DPP10: variants seen among roughly 807,000 people sequenced by gnomAD.
DPP10 encodes inactive dipeptidyl peptidase 10.
A neutral mutation model predicts 120.9 loss-of-function variants in DPP10; 33 were observed. The observed-to-expected ratio is 0.27, with a 90% confidence interval of 0.21 to 0.37. The LOEUF is 0.37. Among genes scored for constraint, DPP10 ranks in the 10% least tolerant of loss-of-function variants. The pLI, the probability that DPP10 is intolerant of heterozygous loss-of-function variation, is 1.00. For missense variants in DPP10, 816 were observed against 942.8 expected (o/e 0.87, Z 1.76); for synonymous variants, 337 against 326.1 (o/e 1.03, Z -0.36).
chr2:114,810,779 C>T (rs1444573449), intron 1 of DPP10, among the ~76,000 whole-genome samples: 1 of 152,120 alleles, frequency 6.6e-6, no homozygotes, highest in Non-Finnish European at 1.5e-5. Context: ...GAGAAGGGTC[C>T]TCACCTTGGG....
At chr2:115,380,620 G>A (rs1252525280) in intron 3 of DPP10, among the ~76,000 whole-genome samples, 7 of 151,540 alleles carry the variant, frequency 4.6e-5, no homozygotes, top group African/African-American at 1.2e-4. Flanking sequence ...TATTTTGCTC[G>A]TTAGTTGATG....
At position 114,643,455 on chromosome 2, in the gene DPP10, C is replaced by A. The variant is rs1207218877; in HGVS notation, c.60+200617C>A. 3.9e-5 allele frequency among the ~76,000 whole-genome samples: 6 copies of A among 151,986 alleles called. 1 individual carries two copies. The highest frequency in any genetic ancestry group is 1.5e-4 in the African/African-American group (6 of 41,260). On this transcript the variant is annotated intron_variant, in intron 1 of 25. Coordinates refer to ENST00000410059, the MANE Select transcript of DPP10 (RefSeq NM_020868.6). The stretch of plus-strand genomic sequence containing the variant: ...CATTCATAAGACTCTCTGGAGCATG[C>A]AGGATACTGACAAGCTTTTTATTTA...
intron 1 of DPP10, among the ~76,000 whole-genome samples, chr2:115,242,333 TCA>T (rs56728091): frequency 1 from 151,679 of 152,012 alleles, 75,677 homozygotes; most frequent in Middle Eastern, 1. Flanking sequence ...TGCCATTAAT[TCA>T]CATTTTTTTT....
At chr2:115,551,198 A>G (rs2079850267) in intron 5 of DPP10, among the ~76,000 whole-genome samples, 1 of 152,132 alleles carries the variant, frequency 6.6e-6, no homozygotes, top group Non-Finnish European at 1.5e-5. Context: ...AAGCTTTTGT[A>G]GACATTTCAG....
At chr2:115,556,341 G>A (rs893695472) in intron 5 of DPP10, among the ~76,000 whole-genome samples, 2 of 145,074 alleles carry the variant, frequency 1.4e-5, no homozygotes, top group Non-Finnish European at 3.0e-5. Flanking sequence ...TTCTTAAAAC[G>A]TTGTGAGATT....
At chr2:115,566,337 T>C (rs1228093900) in intron 5 of DPP10, among the ~76,000 whole-genome samples, 1 of 152,166 alleles carries the variant, frequency 6.6e-6, no homozygotes, top group Non-Finnish European at 1.5e-5. Flanking sequence ...ATTTATGATT[T>C]TTTTCTATAT....
At chr2:114,870,297 G>T (rs982736343) in intron 1 of DPP10, among the ~76,000 whole-genome samples, 1 of 152,126 alleles carries the variant, frequency 6.6e-6, no homozygotes, top group South Asian at 2.1e-4. Flanking sequence ...TAAGGTTTTT[G>T]TAAGAAGTAA....
At chr2:115,643,225 G>A (rs906025726) in intron 5 of DPP10, among the ~76,000 whole-genome samples, 1 of 151,914 alleles carries the variant, frequency 6.6e-6, no homozygotes, top group Non-Finnish European at 1.5e-5. Flanking sequence ...AAACTGTTAC[G>A]GTACGTACAA....
At chr2:114,824,981 A>G (rs1686405666) in intron 1 of DPP10, among the ~76,000 whole-genome samples, 1 of 152,216 alleles carries the variant, frequency 6.6e-6, no homozygotes, top group Non-Finnish European at 1.5e-5. Context: ...CTTTGGTTTG[A>G]TTCACTCAAC....
chr2:115,807,616 C>T (rs892013461), intron 19 of DPP10, among the ~76,000 whole-genome samples: 1 of 152,010 alleles, frequency 6.6e-6, no homozygotes, highest in African/African-American at 2.4e-5. Context: ...GTATCAAATT[C>T]CCTTCAAGAC....
At chr2:115,026,221 A>G (rs1023847935) in intron 1 of DPP10, among the ~76,000 whole-genome samples, 1 of 152,044 alleles carries the variant, frequency 6.6e-6, no homozygotes, top group Admixed American at 6.6e-5. Flanking sequence ...AGAGATAGGG[A>G]TCTAATTCCA....
chr2:115,541,385 T>G (rs570140426), intron 5 of DPP10, among the ~76,000 whole-genome samples: 16 of 151,954 alleles, frequency 1.1e-4, no homozygotes, highest in African/African-American at 3.6e-4. Context: ...GATATTAATT[T>G]TGTAGAGGTT....
At chr2:115,569,295 T>C (rs1023290547) in intron 5 of DPP10, among the ~76,000 whole-genome samples, 3 of 152,202 alleles carry the variant, frequency 2.0e-5, no homozygotes, top group Admixed American at 6.5e-5. Context: ...CAAAGACATA[T>C]AATACTGCAT....
rs149943699 is a variant in DPP10, at chr2:114,997,908, T to C, written c.61-311331T>C. 2.7e-3 allele frequency among the ~76,000 whole-genome samples: 404 copies of C among 152,310 alleles called. 1 individual carries two copies. The highest frequency in any genetic ancestry group is 9.2e-3 in the African/African-American group (381 of 41,584). On this transcript the variant is annotated intron_variant, in intron 1 of 25. Transcript: ENST00000410059. ...CCGTCATCTAAAGATGAAATTCACA[T>C]ATGTTTCCTATACACTTAATACACA...
chr2:114,465,616 A>G (rs1679298483), intron 1 of DPP10, among the ~76,000 whole-genome samples: 2 of 152,218 alleles, frequency 1.3e-5, no homozygotes, highest in South Asian at 2.1e-4. Context: ...CCAACCTAAG[A>G]TCTTTTCAAT....
intron 1 of DPP10, among the ~76,000 whole-genome samples, chr2:115,191,915 T>C (rs1325493991): frequency 3.9e-5 from 6 of 152,198 alleles, no homozygotes; most frequent in African/African-American, 1.2e-4. Flanking sequence ...ACTGATCTTT[T>C]GTTTCAAATG....
At chr2:115,087,115 T>C (rs1440903049) in intron 1 of DPP10, among the ~76,000 whole-genome samples, 1 of 152,224 alleles carries the variant, frequency 6.6e-6, no homozygotes, top group Non-Finnish European at 1.5e-5. Flanking sequence ...TGTGTTTTTA[T>C]TTTGCTTCAC....
rs149441532 is a variant in DPP10, at chr2:115,486,856, T to A, written c.272-12654T>A. ...ACAAATCAGAAAAACATCATTTAGT[T>A]GAGTGGCTATCAACTGCTCCATTAT... On this transcript the variant is annotated intron_variant, in intron 3 of 25. Coordinates refer to ENST00000410059, the MANE Select transcript of DPP10 (RefSeq NM_020868.6). Among the ~76,000 whole-genome samples, 1,321 of 152,234 alleles carry A rather than the reference T, an allele frequency of 8.7e-3. 11 individuals carry two copies. Among genetic ancestry groups the A allele is most frequent in the African/African-American group, 0.029 (1,223 of 41,548 alleles).
chr2:114,998,837 G>A (rs1701258750), intron 1 of DPP10, among the ~76,000 whole-genome samples: 1 of 152,130 alleles, frequency 6.6e-6, no homozygotes, highest in East Asian at 1.9e-4. Context: ...AGAACTAGCA[G>A]CAGGAATACT....
Sources: gnomAD v4.1 joint callset for allele counts (sites outside exome capture counted in the v4.1 genomes callset) on GRCh38, gnomAD v4.1.1 for gene constraint, MANE v1.5 for transcripts, NCBI Gene and HGNC (gene_info 2026-07-23, HGNC 2026-07-21) for gene names.